Variants in SORD observed in about 807,000 individuals in gnomAD.
The protein encoded by SORD is sorbitol dehydrogenase.
In SORD, 18 loss-of-function variants were observed where a neutral mutation model predicts 35.6. The ratio of observed to expected loss-of-function variants is 0.51; its 90% CI spans 0.35 to 0.75. The LOEUF is 0.75. SORD is among the 30% of genes least tolerant of loss of function. SORD has a pLI of 0.01. For synonymous variants in SORD, 106 were observed against 152.9 expected (o/e 0.69, Z 2.26); for missense variants, 250 against 390.2 (o/e 0.64, Z 3.03).
At chr15:45,040,597 C>T (rs1045719268) in intron 2 of SORD, among the ~76,000 whole-genome samples, 156 bp downstream of exon 2, 5 of 152,176 alleles carry the variant, frequency 3.3e-5, no homozygotes, top group Non-Finnish European at 7.4e-5. Flanking sequence ...ACAGAGTCTA[C>T]TGCCCACAGC....
At chr15:45,035,587 A>C (rs2141266195) in intron 1 of SORD, among the ~76,000 whole-genome samples, 1 of 152,196 alleles carries the variant, frequency 6.6e-6, no homozygotes, top group South Asian at 2.1e-4. Flanking sequence ...CAGATAAGAG[A>C]ATAAAAGCTG....
intron 3 of SORD, among the ~76,000 whole-genome samples, chr15:45,046,119 T>A (rs1408372967): frequency 6.6e-6 from 1 of 151,938 alleles, no homozygotes; most frequent in Non-Finnish European, 1.5e-5. Context: ...CACCTGATTA[T>A]GGAGGATCTT....
At chr15:45,057,341 A>G (rs1196163269) in intron 3 of SORD, among the ~76,000 whole-genome samples, 3 of 152,116 alleles carry the variant, frequency 2.0e-5, no homozygotes, top group Non-Finnish European at 4.4e-5. Context: ...CCTAACATGC[A>G]TGTGCTGTAA....
At chr15:45,030,769 G>C (rs1366402400) in intron 1 of SORD, among the ~76,000 whole-genome samples, 1 of 152,222 alleles carries the variant, frequency 6.6e-6, no homozygotes, top group Admixed American at 6.5e-5. Flanking sequence ...TTCAATGCTA[G>C]GTGCTGGAGA....
chr15:45,061,943 G>T (rs1313189584), intron 4 of SORD, among the ~76,000 whole-genome samples: 2 of 152,162 alleles, frequency 1.3e-5, no homozygotes, highest in Non-Finnish European at 2.9e-5. Context: ...CATTTCCTGA[G>T]GTGTGGTGTG....
chr15:45,065,248 C>G lies in SORD; in HGVS notation c.426-23C>G, dbSNP rs1418205191. 4.5e-6 allele frequency: 7 copies of G among 1,538,938 alleles called. No individual in the cohort carries two copies. The African/African-American group carries it at 8.2e-5, about 18-fold the overall frequency. ...GCATTGTAGTTAACTCAGAGGATCT[C>G]TGTGTGTCAATTGACTCCTCAGGCT... On this transcript the variant is annotated intron_variant, in intron 4 of 8. Transcript: ENST00000267814.
intron 2 of SORD, among the ~76,000 whole-genome samples, chr15:45,040,772 A>G (rs1318909843): frequency 6.6e-6 from 1 of 152,214 alleles, no homozygotes; most frequent in Non-Finnish European, 1.5e-5. Context: ...ATGACAGTGT[A>G]CCCTATCTAC....
intron 7 of SORD, chr15:45,070,141 G>C (rs911118798): frequency 3.3e-5 from 5 of 152,204 alleles, no homozygotes; most frequent in Admixed American, 3.3e-4. Flanking sequence ...GGCAAGCCAA[G>C]TCAGGCCCAG....
chr15:45,045,334 T>C (rs1392616959), intron 3 of SORD, among the ~76,000 whole-genome samples: 1 of 151,976 alleles, frequency 6.6e-6, no homozygotes, highest in African/African-American at 2.4e-5. Flanking sequence ...GGTCAGGGGT[T>C]TGAGACCAGC....
intron 3 of SORD, among the ~76,000 whole-genome samples, chr15:45,049,294 G>A (rs1007145406): frequency 4.6e-5 from 7 of 152,076 alleles, no homozygotes; most frequent in East Asian, 3.9e-4. Context: ...GAGGTAGGGC[G>A]ATAATCTCTC....
chr15:45,051,907 C>T (rs1388385279), intron 3 of SORD, among the ~76,000 whole-genome samples: 1 of 152,122 alleles, frequency 6.6e-6, no homozygotes, highest in Non-Finnish European at 1.5e-5. Flanking sequence ...CATAGAATAC[C>T]CTTCTGAATT....
chr15:45,041,725 G>C (rs1486498216), intron 2 of SORD: 1 of 152,164 alleles, frequency 6.6e-6, no homozygotes, highest in Non-Finnish European at 1.5e-5. Flanking sequence ...GGCCAAACGA[G>C]GGCTGTCTTG....
intron 3 of SORD, among the ~76,000 whole-genome samples, chr15:45,060,404 C>T (rs1229193819): frequency 6.6e-6 from 1 of 152,000 alleles, no homozygotes; most frequent in Non-Finnish European, 1.5e-5. Flanking sequence ...GGTTTCCAAG[C>T]AGGTGTAGTG....
At chr15:45,036,225 G>A (rs1391648974) in intron 1 of SORD, 13 of 420,120 alleles carry the variant, frequency 3.1e-5, no homozygotes, top group Non-Finnish European at 6.1e-5. Flanking sequence ...CAGCTTCATT[G>A]TTGAAGTCAG....
chr15:45,046,758 C>T (rs1224129577), intron 3 of SORD, among the ~76,000 whole-genome samples: 1 of 152,090 alleles, frequency 6.6e-6, no homozygotes, highest in African/African-American at 2.4e-5. Context: ...TAGCTCACAC[C>T]TATAATCCTA....
intron 1 of SORD, among the ~76,000 whole-genome samples, chr15:45,039,806 C>T (rs1177767931): frequency 4.6e-5 from 7 of 152,326 alleles, no homozygotes; most frequent in Middle Eastern, 6.8e-3. Flanking sequence ...TCACGTGCAA[C>T]TGTCAGAAAC....
At chr15:45,029,786 T>C (rs1234049364) in intron 1 of SORD, among the ~76,000 whole-genome samples, 2 of 152,228 alleles carry the variant, frequency 1.3e-5, no homozygotes, top group African/African-American at 4.8e-5. Context: ...TGAAAATGGC[T>C]TTCAGCAGAG....
intron 5 of SORD, among the ~76,000 whole-genome samples, chr15:45,066,281 T>G (rs1250078142): frequency 6.6e-6 from 1 of 151,772 alleles, no homozygotes; most frequent in Non-Finnish European, 1.5e-5. Context: ...ATCTGGCGAT[T>G]ATTTTTGAAC....
chr15:45,069,109 A>G, intron 7 of SORD, 57 bp downstream of exon 7: 29 of 1,327,570 alleles, frequency 2.2e-5, no homozygotes, highest in Non-Finnish European at 2.7e-5. Flanking sequence ...AGGAGGCAGA[A>G]GTAGGGAGTC....
Sources: allele counts gnomAD v4.1 joint callset (sites outside exome capture counted in the v4.1 genomes callset), GRCh38; gene constraint gnomAD v4.1.1; transcripts MANE v1.5; gene names NCBI Gene and HGNC (gene_info 2026-07-23, HGNC 2026-07-21).